NRXN1: variants seen among roughly 807,000 people sequenced by gnomAD.
NRXN1 encodes the protein neurexin 1.
A neutral mutation model predicts 150.9 loss-of-function variants in NRXN1; 39 were observed. The ratio of observed to expected loss-of-function variants is 0.26; its 90% CI spans 0.20 to 0.34. The LOEUF (loss-of-function observed/expected upper bound fraction) is 0.34, where lower values mean the gene tolerates loss of function less well. Among genes scored for constraint, NRXN1 ranks in the 10% least tolerant of loss-of-function variants. The probability of loss-of-function intolerance (pLI) is 1.00; values close to 1 mark genes in which losing one functional copy is unlikely to be tolerated. For missense variants in NRXN1, 1,815 were observed against 1,949.9 expected (o/e 0.93, Z 1.30); for synonymous variants, 924 against 757.0 (o/e 1.22, Z -3.62).
intron 2 of NRXN1, among the ~76,000 whole-genome samples, chr2:51,000,526 A>T (rs1332703459): frequency 7.5e-6 from 1 of 133,074 alleles, no homozygotes; most frequent in Non-Finnish European, 1.6e-5. Context: ...TGAAATTGCT[A>T]ATATTATTAC....
At chr2:50,410,011 T>C (rs1464568610) in intron 17 of NRXN1, among the ~76,000 whole-genome samples, 1 of 152,164 alleles carries the variant, frequency 6.6e-6, no homozygotes, top group Non-Finnish European at 1.5e-5. Context: ...ATTCCCTACG[T>C]GAACCCTTTA....
At chr2:50,499,915 T>C (rs1412919090) in intron 13 of NRXN1, among the ~76,000 whole-genome samples, 3 of 131,686 alleles carry the variant, frequency 2.3e-5, no homozygotes, top group Non-Finnish European at 4.6e-5. Flanking sequence ...ACCATTGCCC[T>C]CCAGCCTGGG....
intron 22 of NRXN1, among the ~76,000 whole-genome samples, chr2:49,939,253 G>A (rs1365266897): frequency 6.6e-6 from 1 of 152,050 alleles, no homozygotes; most frequent in East Asian, 1.9e-4. Flanking sequence ...AATCACGGAA[G>A]CTGTAAACGT....
intron 17 of NRXN1, among the ~76,000 whole-genome samples, chr2:50,296,877 CTTTCTTTTTTTTTT>C (rs1473171705): frequency 8.1e-6 from 1 of 122,714 alleles, no homozygotes; most frequent in East Asian, 2.8e-4. Context: ...CAGTTTCTTT[CTTTCTTTTTTTTTT>C]TTTTTTTTTG....
At chr2:50,823,536 T>C (rs192327787) in intron 5 of NRXN1, among the ~76,000 whole-genome samples, 1 of 152,326 alleles carries the variant, frequency 6.6e-6, no homozygotes. Context: ...CTGATTCCCA[T>C]AGCACTGCTT....
chr2:50,710,630 GT>G (rs1179315710), intron 5 of NRXN1, among the ~76,000 whole-genome samples: 9 of 152,246 alleles, frequency 5.9e-5, no homozygotes, highest in African/African-American at 2.2e-4. Flanking sequence ...CTTTGAATAA[GT>G]TAAGAATAAG....
chr2:50,381,286 G>A (rs1025951397), intron 17 of NRXN1, among the ~76,000 whole-genome samples: 1 of 151,964 alleles, frequency 6.6e-6, no homozygotes, highest in African/African-American at 2.4e-5. Context: ...CATAAATGAA[G>A]TAGTAGTCTC....
chr2:50,475,846 C>G (rs1209580130), intron 15 of NRXN1, among the ~76,000 whole-genome samples: 1 of 149,070 alleles, frequency 6.7e-6, no homozygotes, highest in Non-Finnish European at 1.5e-5. Flanking sequence ...GATGCAGGTT[C>G]TCTTTTTGAT....
intron 5 of NRXN1, among the ~76,000 whole-genome samples, chr2:50,857,321 T>A (rs746410394): frequency 6.6e-6 from 1 of 151,884 alleles, no homozygotes. Flanking sequence ...TGGTGAAGGG[T>A]CAGTTAAAAA....
chr2:50,213,111 G>C (rs529176952), intron 18 of NRXN1, among the ~76,000 whole-genome samples: 2 of 151,982 alleles, frequency 1.3e-5, no homozygotes, highest in South Asian at 4.1e-4. Flanking sequence ...CATTAGGAGG[G>C]TGCTGCACAT....
At chr2:49,935,785 C>G (rs888243823) in intron 22 of NRXN1, among the ~76,000 whole-genome samples, 2 of 152,186 alleles carry the variant, frequency 1.3e-5, no homozygotes, top group African/African-American at 4.8e-5. Flanking sequence ...ATTATCAAAA[C>G]AGGTATTTGA....
intron 5 of NRXN1, among the ~76,000 whole-genome samples, chr2:50,800,662 G>T (rs1707465569): frequency 6.6e-6 from 1 of 152,096 alleles, no homozygotes; most frequent in Admixed American, 6.5e-5. Flanking sequence ...CAATTCTCCT[G>T]CCTCAGCCTC....
At chr2:50,768,915 AACAC>A (rs573497722) in intron 5 of NRXN1, among the ~76,000 whole-genome samples, 6 of 149,126 alleles carry the variant, frequency 4.0e-5, no homozygotes, top group East Asian at 2.0e-4. Context: ...CAACAACAAC[AACAC>A]ACACACACAC....
chr2:50,300,613 G>A (rs1389246619), intron 17 of NRXN1, among the ~76,000 whole-genome samples: 1 of 152,170 alleles, frequency 6.6e-6, no homozygotes. Flanking sequence ...TGGCCAATAG[G>A]ATGTGAGCAG....
At chr2:50,817,662 C>A (rs548603891) in intron 5 of NRXN1, among the ~76,000 whole-genome samples, 1 of 151,868 alleles carries the variant, frequency 6.6e-6, no homozygotes, top group Non-Finnish European at 1.5e-5. Context: ...TACATCATGA[C>A]GAAGAGGGAT....
chr2:50,949,958 T>C (rs959341886), intron 2 of NRXN1, among the ~76,000 whole-genome samples: 1 of 152,078 alleles, frequency 6.6e-6, no homozygotes, highest in Admixed American at 6.6e-5. Flanking sequence ...GTTTGTACCA[T>C]CCCCTGGGTA....
intron 21 of NRXN1, among the ~76,000 whole-genome samples, chr2:49,961,382 A>G (rs1675933350): frequency 6.6e-6 from 1 of 151,844 alleles, no homozygotes; most frequent in South Asian, 2.1e-4. Context: ...CCTTGTTGTA[A>G]CATTTTGTTG....
intron 18 of NRXN1, among the ~76,000 whole-genome samples, chr2:50,126,392 T>A (rs932366181): frequency 6.6e-6 from 1 of 152,028 alleles, no homozygotes; most frequent in Non-Finnish European, 1.5e-5. Context: ...AGATAAAAAA[T>A]AATCATATTG....
At chr2:50,811,719 ATGTCTT>A (rs1270327850) in intron 5 of NRXN1, among the ~76,000 whole-genome samples, 1 of 152,186 alleles carries the variant, frequency 6.6e-6, no homozygotes. Flanking sequence ...AGTGCCTTGA[ATGTCTT>A]TGTATAAACT....
Sources: allele counts gnomAD v4.1 joint callset (sites outside exome capture counted in the v4.1 genomes callset), GRCh38; gene constraint gnomAD v4.1.1; transcripts MANE v1.5; gene names NCBI Gene and HGNC (gene_info 2026-07-23, HGNC 2026-07-21).